The following RANBP3 variants were observed in gnomAD, a reference collection of about 807,000 sequenced individuals.
RANBP3 encodes the protein RAN binding protein 3.
A neutral mutation model predicts 77.3 loss-of-function variants in RANBP3; 14 were observed. That is an observed-to-expected ratio of 0.18 (90% CI 0.12 to 0.28). The LOEUF (loss-of-function observed/expected upper bound fraction) is 0.28. Among genes scored for constraint, RANBP3 ranks in the 10% least tolerant of loss-of-function variants. RANBP3 has a pLI of 1.00. For synonymous variants in RANBP3, 315 were observed against 312.4 expected (o/e 1.01, Z -0.09); for missense variants, 586 against 752.3 (o/e 0.78, Z 2.59).
intron 1 of RANBP3, among the ~76,000 whole-genome samples, chr19:5,963,715 G>GC (rs2058431452): frequency 1.3e-5 from 2 of 152,172 alleles, no homozygotes; most frequent in African/African-American, 4.8e-5. Flanking sequence ...GAGATTCTGA[G>GC]CCCCTCTTCC....
At chr19:5,937,962 C>A (rs2058087834) in intron 5 of RANBP3, among the ~76,000 whole-genome samples, 1 of 152,182 alleles carries the variant, frequency 6.6e-6, no homozygotes, top group Non-Finnish European at 1.5e-5. Context: ...CCCATCCAGA[C>A]CACCACCTGC....
rs760812680 is a variant in RANBP3, at chr19:5,933,490, A to G, written c.407-11T>C. The G allele has an allele frequency of 2.5e-6, 4 of 1,612,446 alleles. No individual in the cohort carries two copies. In the East Asian group the frequency reaches 6.7e-5, roughly 27 times the overall value. Reference sequence around the variant, plus strand: ...CACTGCTCCTTTCCTCTAAAAGCACAAGACAAAATATCAACAGCAGGCCTG... The same window carrying G: ...CACTGCTCCTTTCCTCTAAAAGCACGAGACAAAATATCAACAGCAGGCCTG... On this transcript the variant is annotated splice_polypyrimidine_tract_variant and intron_variant, in intron 5 of 16. Transcript: ENST00000340578.
intron 1 of RANBP3, among the ~76,000 whole-genome samples, chr19:5,963,777 A>C (rs1280992884): frequency 1.3e-5 from 2 of 152,004 alleles, no homozygotes; most frequent in Admixed American, 6.5e-5. Flanking sequence ...CCCACCACAT[A>C]CTTCTTCTCT....
chr19:5,938,914 G>A (rs2058099043), intron 5 of RANBP3, among the ~76,000 whole-genome samples: 1 of 152,118 alleles, frequency 6.6e-6, no homozygotes, highest in South Asian at 2.1e-4. Context: ...GCCAGGTGCG[G>A]TGGCTCATGC....
chr19:5,957,989 T>A lies in RANBP3; in HGVS notation c.23-16A>T. ...GCAGGCTTTTCTGCAAAAAGAAAAA[T>A]TAGTTTTTTTCCCCCCAACACTATA... is the stretch of plus-strand genomic sequence containing the variant. On this transcript the variant is annotated splice_polypyrimidine_tract_variant and intron_variant, in intron 1 of 16. Transcript: ENST00000340578. 1 of 1,613,886 alleles carries A rather than the reference T, an allele frequency of 6.2e-7. No individual in the cohort carries two copies. The highest frequency in any genetic ancestry group is 1.1e-5 in the South Asian group (1 of 91,066).
chr19:5,941,543 C>T (rs1443293306), intron 5 of RANBP3, 78 bp downstream of exon 5: 20 of 1,275,808 alleles, frequency 1.6e-5, no homozygotes, highest in African/African-American at 3.0e-5. Flanking sequence ...ACACAGCAGA[C>T]GGATGCGCGG....
At chr19:5,956,002 G>A (rs1757587882) in intron 2 of RANBP3, among the ~76,000 whole-genome samples, 1 of 152,072 alleles carries the variant, frequency 6.6e-6, no homozygotes, top group African/African-American at 2.4e-5. Flanking sequence ...CAGCTACTCA[G>A]AAGGCTGAGG....
intron 1 of RANBP3, chr19:5,962,670 A>G (rs1212187113): frequency 2.2e-5 from 10 of 455,948 alleles, no homozygotes; most frequent in Non-Finnish European, 4.0e-5. Flanking sequence ...TGACCCAGCC[A>G]CTGCACTAAC....
chr19:5,945,546 T>C (rs1404127036), intron 3 of RANBP3, among the ~76,000 whole-genome samples: 1 of 152,182 alleles, frequency 6.6e-6, no homozygotes, highest in Non-Finnish European at 1.5e-5. Flanking sequence ...CCTATATGTC[T>C]GTTAGGTCTG....
Position 5,925,742 on chromosome 19 carries a change from G to A in RANBP3, c.814-5C>T. 2 of 1,611,234 alleles carry A rather than the reference G, an allele frequency of 1.2e-6. No individual in the cohort carries two copies. Among genetic ancestry groups the A allele is most frequent in the Non-Finnish European group, 1.7e-6 (2 of 1,177,556 alleles). ...GTCCACGCTCTCATTTATCAGCTGG[G>A]AATGAGACGGAGCGCTCAGTAATCG... On this transcript the variant is annotated splice_polypyrimidine_tract_variant and splice_region_variant and intron_variant, in intron 9 of 16. Transcript: ENST00000340578.
rs528385045 is a variant in RANBP3, at chr19:5,924,446, G to A, written c.996+381C>T. The stretch of plus-strand genomic sequence containing the variant: ...CTTGGCCGCGGTTATGCTCACAGGA[G>A]CAGGGAGGCCAGCAACCCTGTCCAC... On this transcript the variant is annotated intron_variant, in intron 11 of 16. Coordinates refer to ENST00000340578, the MANE Select transcript of RANBP3 (RefSeq NM_007322.3). This position sits in a 1 kb window ranked among gnomAD's most constrained non-coding sequence, Gnocchi z 4.7. 1.3e-5 allele frequency among the ~76,000 whole-genome samples: 2 copies of A among 152,380 alleles called. No individual in the cohort carries two copies. Among genetic ancestry groups the A allele is most frequent in the African/African-American group, 4.8e-5 (2 of 41,592 alleles).
intron 7 of RANBP3, 71 bp from the exon 8 acceptor site, chr19:5,931,602 G>A: frequency 2.0e-6 from 3 of 1,528,346 alleles, no homozygotes; most frequent in South Asian, 2.4e-5. Context: ...ACATAGCTGA[G>A]GGGCTGGGCC....
chr19:5,955,525 A>G (rs1025547289), intron 2 of RANBP3, among the ~76,000 whole-genome samples: 1 of 152,256 alleles, frequency 6.6e-6, no homozygotes, highest in African/African-American at 2.4e-5. Context: ...TCACAAAGCA[A>G]CAAAACCCCC....
chr19:5,937,134 A>ACAT (rs1419548476), intron 5 of RANBP3, among the ~76,000 whole-genome samples: 1 of 150,974 alleles, frequency 6.6e-6, no homozygotes, highest in Non-Finnish European at 1.5e-5. Flanking sequence ...CACTCTAAAG[A>ACAT]CATCACTGGG....
chr19:5,942,169 C>T (rs1187454233), intron 3 of RANBP3, among the ~76,000 whole-genome samples: 2 of 152,198 alleles, frequency 1.3e-5, no homozygotes, highest in Non-Finnish European at 2.9e-5. Flanking sequence ...GGCCCCCGTT[C>T]ATTCTGCCAA....
chr19:5,944,819 T>A (rs762364803), intron 3 of RANBP3, among the ~76,000 whole-genome samples: 2 of 152,128 alleles, frequency 1.3e-5, no homozygotes, highest in Admixed American at 6.5e-5. Flanking sequence ...CCAAGTCCCA[T>A]CCTGTGGCTC....
At chr19:5,973,996 G>C (rs1378167641) in intron 1 of RANBP3, among the ~76,000 whole-genome samples, 1 of 152,118 alleles carries the variant, frequency 6.6e-6, no homozygotes, top group Non-Finnish European at 1.5e-5. Flanking sequence ...CGATACCAGT[G>C]AGTCTCTCAC....
rs1341987993 is a variant in RANBP3 at position 5,923,922 on chromosome 19, GAC to G, written c.997-10_997-9del. 1 of 1,606,048 alleles carries G rather than the reference GAC, an allele frequency of 6.2e-7. No homozygotes were observed. The highest frequency in any genetic ancestry group is 8.5e-7 in the Non-Finnish European group (1 of 1,172,850). On this transcript the variant is annotated splice_polypyrimidine_tract_variant and intron_variant, in intron 11 of 16. Coordinates refer to ENST00000340578, the MANE Select transcript of RANBP3 (RefSeq NM_007322.3). ...GTTTAATTTTGGGGGGCTCTGCAGG[GAC>G]ACAAAAGCATACAAGGAAGAGGGCA... is the stretch of plus-strand genomic sequence containing the variant.
At chr19:5,940,606 T>A (rs2058123364) in intron 5 of RANBP3, among the ~76,000 whole-genome samples, 1 of 152,214 alleles carries the variant, frequency 6.6e-6, no homozygotes, top group Non-Finnish European at 1.5e-5. Context: ...CTACGCTGTG[T>A]GTTCCTGTAA....
Sources: gnomAD v4.1 joint callset for allele counts (sites outside exome capture counted in the v4.1 genomes callset) on GRCh38, gnomAD v4.1.1 for gene constraint, Gnocchi (gnomAD v3.1) non-coding constraint, MANE v1.5 for transcripts, NCBI Gene and HGNC (gene_info 2026-07-23, HGNC 2026-07-21) for gene names.